Variants in SNUPN observed in about 807,000 individuals in gnomAD.
SNUPN encodes the protein snurportin 1, also known as snurportin-1.
In SNUPN, 31 loss-of-function variants were observed where a neutral mutation model predicts 39.2. The observed-to-expected ratio is 0.79, with a 90% CI of 0.59 to 1.07. The LOEUF is 1.07. SNUPN is among the 50% of genes least tolerant of loss of function. SNUPN has a pLI of 0.00. For missense variants in SNUPN, 382 were observed against 434.2 expected (o/e 0.88, Z 1.07); for synonymous variants, 132 against 159.0 (o/e 0.83, Z 1.28).
chr15:75,606,124 A>G (rs1595983100), intron 6 of SNUPN, among the ~76,000 whole-genome samples: 1 of 152,220 alleles, frequency 6.6e-6, no homozygotes, highest in Non-Finnish European at 1.5e-5. Context: ...CAACCTGGGC[A>G]ACAGAGCGAG....
intron 3 of SNUPN, among the ~76,000 whole-genome samples, chr15:75,613,121 C>G (rs912047618): frequency 6.6e-6 from 1 of 151,600 alleles, no homozygotes; most frequent in Non-Finnish European, 1.5e-5. Flanking sequence ...TAGCCGGGCG[C>G]GGTGGCGGGC....
intron 7 of SNUPN, 51 bp from the exon 8 acceptor site, chr15:75,601,269 C>G (rs1467525495): frequency 7.8e-7 from 1 of 1,286,684 alleles, no homozygotes; most frequent in African/African-American, 1.5e-5. Flanking sequence ...TGATACTGGC[C>G]CAAGCAATTG....
chr15:75,626,209 C>G (rs962343258), upstream of SNUPN: 1 of 152,258 alleles, frequency 6.6e-6, no homozygotes, highest in Non-Finnish European at 1.5e-5. Context: ...TTCGCTCCCC[C>G]ACTTGCCCTT....
chr15:75,606,640 G>A (rs1458090724), intron 6 of SNUPN, among the ~76,000 whole-genome samples: 1 of 152,094 alleles, frequency 6.6e-6, no homozygotes, highest in African/African-American at 2.4e-5. Context: ...TAAAATGTTG[G>A]GGGTATGGTG....
chr15:75,621,340 T>G (rs913985721), intron 1 of SNUPN, among the ~76,000 whole-genome samples: 1 of 151,656 alleles, frequency 6.6e-6, no homozygotes, highest in Non-Finnish European at 1.5e-5. Flanking sequence ...AGCTCACTGT[T>G]GCCTCAATCT....
chr15:75,611,305 T>A lies in SNUPN; in HGVS notation c.304-1311A>T, dbSNP rs1306754590. The stretch of plus-strand genomic sequence containing the variant: ...TCTCGCTCTGTCGCCCAGGCTGGAG[T>A]GCAGTGGCGCTATCTCAGCTCACTG... On this transcript the variant is annotated intron_variant, in intron 3 of 8. Transcript: ENST00000308588. 2.7e-5 allele frequency among the ~76,000 whole-genome samples: 4 copies of A among 150,032 alleles called. No individual in the cohort carries two copies. The South Asian group carries it at 8.5e-4, about 32-fold the overall frequency.
chr15:75,621,061 A>G lies in SNUPN; in HGVS notation c.-5-5T>C. 1 of 1,613,734 alleles carries G rather than the reference A, an allele frequency of 6.2e-7. No individual in the cohort carries two copies. The highest frequency in any genetic ancestry group is 8.5e-7 in the Non-Finnish European group (1 of 1,179,872). On this transcript the variant is annotated splice_polypyrimidine_tract_variant and splice_region_variant and intron_variant, in intron 1 of 8. Transcript: ENST00000308588. ...GACTCAACTCTTCCATCTTCCCTAC[A>G]AAGGAAAACGTAAGAAAATGGTTCA...
chr15:75,611,214 A>C (rs535109003), intron 3 of SNUPN, among the ~76,000 whole-genome samples: 1 of 150,040 alleles, frequency 6.7e-6, no homozygotes, highest in Non-Finnish European at 1.5e-5. Context: ...AATCTCTCTC[A>C]TTGAATCTTT....
chr15:75,623,039 G>A (rs958596890), intron 1 of SNUPN, among the ~76,000 whole-genome samples: 3 of 152,178 alleles, frequency 2.0e-5, no homozygotes, highest in African/African-American at 7.2e-5. Flanking sequence ...ACCATTTGTA[G>A]GTGTACAGTT....
In SNUPN at chr15:75,598,646, GT is replaced by G; in HGVS notation, c.794del (p.His265ProfsTer24). On this transcript the variant is annotated frameshift_variant, in exon 9 of 9. Transcript: ENST00000308588. LOFTEE classifies it high-confidence loss of function. ...DGLLFYHKQT[H>X]YSPGSTPLVG... ...CCAAGGGAGTGCTTCCGGGGCTGTA[GT>G]GGGTCTGTTTGTGGTAGAAGAGAAG... 6.2e-7 allele frequency: 1 copy of G among 1,609,850 alleles called. No homozygotes were observed. Among genetic ancestry groups the G allele is most frequent in the Non-Finnish European group, 8.5e-7 (1 of 1,176,346 alleles).
At chr15:75,621,126 G>T in intron 1 of SNUPN, 70 bp from the exon 2 acceptor site, 2 of 1,442,572 alleles carry the variant, frequency 1.4e-6, no homozygotes, top group Non-Finnish European at 1.9e-6. Flanking sequence ...CAGTTATGCA[G>T]TTATGATATG....
intron 7 of SNUPN, 121 bp from the exon 8 acceptor site, chr15:75,601,339 C>A: frequency 1.5e-6 from 1 of 666,222 alleles, no homozygotes; most frequent in Non-Finnish European, 2.7e-6. Context: ...CTTTGGGAGG[C>A]AAAGTCAGGA....
intron 2 of SNUPN, among the ~76,000 whole-genome samples, chr15:75,620,115 A>T (rs1040944133): frequency 2.4e-4 from 37 of 152,176 alleles, no homozygotes; most frequent in African/African-American, 8.7e-4. Context: ...CTACATTTTT[A>T]AAAATGGGGA....
intron 3 of SNUPN, among the ~76,000 whole-genome samples, chr15:75,612,275 C>T (rs1892803141): frequency 6.6e-6 from 1 of 152,094 alleles, no homozygotes; most frequent in Non-Finnish European, 1.5e-5. Context: ...TCAGGTGATC[C>T]ACCCACCTCG....
chr15:75,602,008 G>T (rs2075291569), intron 7 of SNUPN, among the ~76,000 whole-genome samples: 1 of 152,024 alleles, frequency 6.6e-6, no homozygotes, highest in Admixed American at 6.6e-5. Flanking sequence ...TTCCCAGTAT[G>T]CTGGGATTAT....
intron 3 of SNUPN, among the ~76,000 whole-genome samples, chr15:75,611,141 C>A (rs1039185682): frequency 4.6e-5 from 7 of 150,978 alleles, no homozygotes; most frequent in Middle Eastern, 3.4e-3. Context: ...GCACTCCAGC[C>A]TGGTGACAGA....
Position 75,605,244 on chromosome 15 carries a change from A to C in SNUPN, c.601-17T>G. Reference sequence around the variant, plus strand: ...GAAATCAGTCTGCCACAGAGAAGGGAAACAGAAAGATGAAATACTTTCCAT... The same window carrying C: ...GAAATCAGTCTGCCACAGAGAAGGGCAACAGAAAGATGAAATACTTTCCAT... On this transcript the variant is annotated splice_polypyrimidine_tract_variant and intron_variant, in intron 6 of 8. Coordinates refer to ENST00000308588, the MANE Select transcript of SNUPN (RefSeq NM_005701.4). 6.4e-7 allele frequency: 1 copy of C among 1,560,556 alleles called. No individual in the cohort carries two copies. The highest frequency in any genetic ancestry group is 8.8e-7 in the Non-Finnish European group (1 of 1,134,658).
intron 3 of SNUPN, among the ~76,000 whole-genome samples, chr15:75,611,833 G>A (rs535579794): frequency 1.3e-5 from 2 of 151,788 alleles, no homozygotes; most frequent in East Asian, 2.0e-4. Context: ...CCAGCCTGGC[G>A]ACAGAGCGAG....
chr15:75,605,150 A>T lies in SNUPN; in HGVS notation c.678T>A (p.Pro226=). The change falls in exon 7 of 9, where the codon CCT becomes CCA. Residue 226 remains proline, a splice_region_variant and synonymous_variant. Transcript: ENST00000308588. ...EGLGEKTKLN[P]FKFVGLKNFP... Reference sequence around the variant, plus strand: ...CAGTGATCCTAACACCAGGCCTTACAGGATTAAGCTTGGTTTTCTCTCCCA... The same window carrying T: ...CAGTGATCCTAACACCAGGCCTTACTGGATTAAGCTTGGTTTTCTCTCCCA... 6.2e-7 allele frequency: 1 copy of T among 1,606,504 alleles called. No homozygotes were observed. The highest frequency in any genetic ancestry group is 8.5e-7 in the Non-Finnish European group (1 of 1,173,320).
Sources: gnomAD v4.1 joint callset for allele counts (sites outside exome capture counted in the v4.1 genomes callset) on GRCh38, gnomAD v4.1.1 for gene constraint, MANE v1.5 for transcripts, NCBI Gene and HGNC (gene_info 2026-07-23, HGNC 2026-07-21) for gene names.